Variants in MAPK6 observed in about 807,000 individuals in gnomAD.
The protein encoded by MAPK6 is ERK-3.
Under a neutral mutation model 59.3 loss-of-function variants are expected in MAPK6, and 19 were observed. That is an observed-to-expected ratio of 0.32 (90% CI 0.22 to 0.47). MAPK6 has a LOEUF of 0.47. Ranked by LOEUF, MAPK6 falls within the 20% of genes least tolerant of loss-of-function variation. The pLI is 1.00. For synonymous variants in MAPK6, 316 were observed against 290.3 expected (o/e 1.09, Z -0.90); for missense variants, 724 against 847.9 (o/e 0.85, Z 1.81).
intron 1 of MAPK6, among the ~76,000 whole-genome samples, chr15:52,034,647 TTTTC>T (rs1172600550): frequency 7.2e-5 from 11 of 152,044 alleles, no homozygotes; most frequent in African/African-American, 2.7e-4. Flanking sequence ...TTTTCTTCAC[TTTTC>T]TTTTTGTTTT....
intron 1 of MAPK6, among the ~76,000 whole-genome samples, chr15:52,023,125 A>AC (rs1555397233): frequency 2.3e-4 from 34 of 150,680 alleles, no homozygotes; most frequent in Admixed American, 9.2e-4. Context: ...AAAAAAAAAA[A>AC]AAACCGAAAA....
At chr15:52,016,061 C>T (rs1419499417), upstream of MAPK6, among the ~76,000 whole-genome samples, 6 of 71,738 alleles carry the variant, frequency 8.4e-5, no homozygotes, top group Admixed American at 4.4e-4. Flanking sequence ...ATCGCGCGCG[C>T]GCGCGCGCGC....
Position 52,046,651 on chromosome 15 carries a change from G to C in MAPK6, c.191G>C (p.Arg64Pro). 6.2e-7 allele frequency: 1 copy of C among 1,614,102 alleles called. No individual in the cohort carries two copies. The highest frequency in any genetic ancestry group is 8.5e-7 in the Non-Finnish European group (1 of 1,179,986). The change falls in exon 2 of 6, where the codon CGT becomes CCT. Residue 64 changes from arginine to proline, a missense_variant. By Grantham distance (103) the Arg-to-Pro change is moderately radical. Coordinates refer to ENST00000261845, the MANE Select transcript of MAPK6 (RefSeq NM_002748.4). ...CCCCAGAGTGTCAAACATGCTCTACGTGAAATCAAAATTATTAGAAGACTT... is the reference window on the plus strand; with the variant it reads ...CCCCAGAGTGTCAAACATGCTCTACCTGAAATCAAAATTATTAGAAGACTT... ...TDPQSVKHAL[R>P]EIKIIRRLDH...
intron 2 of MAPK6, among the ~76,000 whole-genome samples, chr15:51,989,648 G>A (rs913693468): frequency 1.3e-5 from 2 of 152,114 alleles, no homozygotes; most frequent in African/African-American, 4.8e-5. Context: ...TGCCCAGGCT[G>A]GAGTGCAATG....
intron 2 of MAPK6, among the ~76,000 whole-genome samples, chr15:51,995,019 T>G (rs144319537): frequency 5.9e-5 from 9 of 152,352 alleles, no homozygotes; most frequent in African/African-American, 1.9e-4. Flanking sequence ...CAAGAAATAC[T>G]AAAGTATTTG....
intron 1 of MAPK6, among the ~76,000 whole-genome samples, chr15:52,032,534 T>A (rs1595985661): frequency 6.6e-6 from 1 of 152,124 alleles, no homozygotes; most frequent in East Asian, 1.9e-4. Context: ...TCGAGATATT[T>A]ACCCTTTCTG....
At chr15:52,001,849 G>T (rs2057242983) in intron 2 of MAPK6, among the ~76,000 whole-genome samples, 2 of 152,212 alleles carry the variant, frequency 1.3e-5, no homozygotes, top group African/African-American at 4.8e-5. Flanking sequence ...CAATTCTGTA[G>T]GCTCAGAGGG....
chr15:51,997,276 A>ACTTTTTTT (rs2057227223), intron 2 of MAPK6, among the ~76,000 whole-genome samples: 1 of 133,206 alleles, frequency 7.5e-6, no homozygotes. Context: ...TGTGCCTAGC[A>ACTTTTTTT]ATTTTTTTTT....
chr15:52,002,762 CA>C (rs200040265), intron 2 of MAPK6, among the ~76,000 whole-genome samples: 2,812 of 152,296 alleles, frequency 0.018, 38 homozygotes, highest in Non-Finnish European at 0.031. Flanking sequence ...ACTGACTCAA[CA>C]GTTCCGCATG....
At chr15:52,014,751 T>C (rs1404105030), upstream of MAPK6, among the ~76,000 whole-genome samples, 2 of 151,684 alleles carry the variant, frequency 1.3e-5, no homozygotes, top group Admixed American at 6.6e-5. Context: ...TGATAGAGTT[T>C]TCACTTTCTT....
chr15:52,003,944 C>G (rs182021027), intron 2 of MAPK6, among the ~76,000 whole-genome samples: 194 of 152,312 alleles, frequency 1.3e-3, no homozygotes, highest in African/African-American at 4.5e-3. Context: ...TGCTTATTGC[C>G]TCACATTTAC....
At chr15:52,059,752 T>C (rs2032125122) in intron 4 of MAPK6, among the ~76,000 whole-genome samples, 1 of 152,236 alleles carries the variant, frequency 6.6e-6, no homozygotes, top group Admixed American at 6.5e-5. Flanking sequence ...CAAAGATCCT[T>C]GGTGGTCACA....
intron 1 of MAPK6, among the ~76,000 whole-genome samples, chr15:52,030,074 G>A (rs568819701): frequency 6.6e-6 from 1 of 152,170 alleles, no homozygotes; most frequent in Admixed American, 6.5e-5. Flanking sequence ...GGCTACACTG[G>A]CATTTCTTTT....
At chr15:52,040,099 C>T (rs2031371188) in intron 1 of MAPK6, among the ~76,000 whole-genome samples, 1 of 152,222 alleles carries the variant, frequency 6.6e-6, no homozygotes. Context: ...AGTGAGCAAG[C>T]AGCTAAGCTG....
At chr15:52,059,386 C>G (rs1314086736) in intron 4 of MAPK6, among the ~76,000 whole-genome samples, 3 of 152,158 alleles carry the variant, frequency 2.0e-5, no homozygotes, top group Non-Finnish European at 2.9e-5. Context: ...CCTCAGCCTC[C>G]CACAGTGGTA....
chr15:52,036,302 T>C (rs889152759), intron 1 of MAPK6, among the ~76,000 whole-genome samples: 7 of 152,202 alleles, frequency 4.6e-5, no homozygotes, highest in African/African-American at 1.7e-4. Context: ...TTTAAACTTA[T>C]GGTTTATTTC....
Position 52,058,118 on chromosome 15 carries a change from C to T in MAPK6, c.701-515C>T, listed in dbSNP as rs568386033. Among the ~76,000 whole-genome samples the T allele has an allele frequency of 2.6e-4, 39 of 152,150 alleles. No individual in the cohort carries two copies. The South Asian group carries it at 6.6e-3, about 26-fold the overall frequency. On this transcript the variant is annotated intron_variant, in intron 3 of 5. Transcript: ENST00000261845. ...AGCAAATGGAATTTTTAAAAGTCAC[C>T]ACCTATTTAGCCTAAAGTTTCCCCC...
intron 1 of MAPK6, among the ~76,000 whole-genome samples, chr15:51,980,498 G>C (rs1459907355): frequency 6.8e-6 from 1 of 147,130 alleles, no homozygotes; most frequent in Admixed American, 6.9e-5. Flanking sequence ...TACCAGTTTG[G>C]TATCTAGGAT....
intron 1 of MAPK6, among the ~76,000 whole-genome samples, chr15:52,021,899 A>T (rs970892549): frequency 2.6e-5 from 4 of 152,188 alleles, no homozygotes; most frequent in African/African-American, 9.7e-5. Flanking sequence ...TTTTTTAAAG[A>T]TAAGCTGAAT....
Sources: gnomAD v4.1 joint callset for allele counts (sites outside exome capture counted in the v4.1 genomes callset) on GRCh38, gnomAD v4.1.1 for gene constraint, MANE v1.5 for transcripts, NCBI Gene and HGNC (gene_info 2026-07-23, HGNC 2026-07-21) for gene names.